C10orf67: variants seen among roughly 807,000 people sequenced by gnomAD.
C10orf67 encodes the protein chromosome 10 open reading frame 67.
C10orf67 carries 60 observed loss-of-function variants against 35.6 expected under a neutral mutation model. The observed-to-expected ratio is 1.68, with a 90% confidence interval of 1.37 to 2.09. The LOEUF is 2.09. C10orf67 is among the 30% of genes most tolerant of loss of function. C10orf67 has a pLI of 0.00. For synonymous variants in C10orf67, 167 were observed against 115.8 expected, an observed-to-expected ratio of 1.44 and a Z score of -2.84; for missense variants, 474 against 330.2, an observed-to-expected ratio of 1.44 and a Z score of -3.38.
rs189238739 is a variant in C10orf67, at chr10:23,249,933, G to A, written c.1346+522C>T. Among the ~76,000 whole-genome samples the A allele has an allele frequency of 2.3e-3, 354 of 152,234 alleles. 4 individuals are homozygous for A. Among genetic ancestry groups the A allele is most frequent in the East Asian group, 7.7e-4 (4 of 5,186 alleles). Reference sequence around the variant, plus strand: ...AATAAGCATTTTTCCAATTTGCATCGTTTTTGTCCTTTTCAGAATTTTACA... The same window carrying A: ...AATAAGCATTTTTCCAATTTGCATCATTTTTGTCCTTTTCAGAATTTTACA... On this transcript the variant is annotated intron_variant, in intron 12 of 15. Coordinates refer to ENST00000636213, the MANE Select transcript of C10orf67 (RefSeq NM_001371909.1).
At chr10:23,218,316 T>TTG (rs1841485463) in intron 15 of C10orf67, among the ~76,000 whole-genome samples, 2 of 150,036 alleles carry the variant, frequency 1.3e-5, no homozygotes, top group African/African-American at 4.9e-5. Flanking sequence ...AATTTTTTTT[T>TTG]TTTTTTTTTT....
At chr10:23,252,251 G>A (rs981469737) in intron 10 of C10orf67, among the ~76,000 whole-genome samples, 3 of 151,984 alleles carry the variant, frequency 2.0e-5, no homozygotes, top group African/African-American at 7.3e-5. Flanking sequence ...TATTCAGCCT[G>A]CCTATTGCCT....
At chr10:23,342,614 G>A (rs1845945396) in intron 1 of C10orf67, among the ~76,000 whole-genome samples, 1 of 152,142 alleles carries the variant, frequency 6.6e-6, no homozygotes, top group African/African-American at 2.4e-5. Flanking sequence ...AGGAGTCCAG[G>A]GCAGGACACC....
At chr10:23,224,753 C>T (rs1007738376) in intron 13 of C10orf67, among the ~76,000 whole-genome samples, 3 of 151,870 alleles carry the variant, frequency 2.0e-5, no homozygotes, top group African/African-American at 7.3e-5. Flanking sequence ...GTAGCCGATT[C>T]GATCAAATGG....
chr10:23,246,645 G>T (rs985497871), intron 12 of C10orf67, among the ~76,000 whole-genome samples: 6 of 152,154 alleles, frequency 3.9e-5, no homozygotes, highest in Non-Finnish European at 8.8e-5. Flanking sequence ...GGTCCCATAA[G>T]ATTATAATGG....
intron 2 of C10orf67, among the ~76,000 whole-genome samples, chr10:23,322,837 A>AATAT (rs752140629): frequency 6.6e-6 from 1 of 151,242 alleles, no homozygotes; most frequent in East Asian, 1.9e-4. Flanking sequence ...TAAAAGTTAA[A>AATAT]ATATATATAT....
At chr10:23,276,759 C>A (rs1043061891) in intron 8 of C10orf67, among the ~76,000 whole-genome samples, 3 of 152,044 alleles carry the variant, frequency 2.0e-5, no homozygotes, top group Non-Finnish European at 4.4e-5. Context: ...CACCACGTTG[C>A]GAGAGATAAA....
chr10:23,235,244 A>G (rs1038568443), intron 13 of C10orf67, among the ~76,000 whole-genome samples: 1 of 152,132 alleles, frequency 6.6e-6, no homozygotes, highest in African/African-American at 2.4e-5. Context: ...GACAAGATCA[A>G]TATTATAAGA....
intron 12 of C10orf67, among the ~76,000 whole-genome samples, chr10:23,247,721 A>G (rs1842353110): frequency 6.6e-6 from 1 of 152,228 alleles, no homozygotes; most frequent in Admixed American, 6.5e-5. Context: ...GAAAATTGGA[A>G]TAGCCCAATT....
intron 4 of C10orf67, among the ~76,000 whole-genome samples, chr10:23,308,212 C>T (rs1844360934): frequency 6.6e-6 from 1 of 152,172 alleles, no homozygotes; most frequent in African/African-American, 2.4e-5. Flanking sequence ...TAATTCTGTA[C>T]CAAACCTCGT....
chr10:23,322,583 A>T (rs745931760), intron 2 of C10orf67, 46 bp from the exon 3 acceptor site: 127 of 1,305,222 alleles, frequency 9.7e-5, no homozygotes, highest in Non-Finnish European at 1.3e-4. Flanking sequence ...ACAGGAACAG[A>T]AAACCAAATA....
At chr10:23,233,467 A>T (rs917424554) in intron 13 of C10orf67, among the ~76,000 whole-genome samples, 1 of 152,212 alleles carries the variant, frequency 6.6e-6, no homozygotes. Flanking sequence ...AAATAAATCA[A>T]AACTAAGAAC....
intron 4 of C10orf67, among the ~76,000 whole-genome samples, chr10:23,311,962 G>C (rs1186636167): frequency 6.6e-6 from 1 of 152,134 alleles, no homozygotes; most frequent in Non-Finnish European, 1.5e-5. Context: ...CAAGTCAATT[G>C]CTTACTTCAA....
intron 1 of C10orf67, among the ~76,000 whole-genome samples, chr10:23,337,014 G>T (rs1381573553): frequency 6.6e-6 from 1 of 152,076 alleles, no homozygotes; most frequent in Non-Finnish European, 1.5e-5. Flanking sequence ...GAAGAAACTA[G>T]ATTGAAGAAA....
At chr10:23,282,198 A>T (rs1843390372) in intron 7 of C10orf67, 120 bp from the exon 8 acceptor site, 1 of 370,162 alleles carries the variant, frequency 2.7e-6, no homozygotes, top group African/African-American at 2.1e-5. Context: ...CAATCTGATC[A>T]AAAGAAAAAT....
At chr10:23,296,430 G>A (rs1843882164) in intron 5 of C10orf67, among the ~76,000 whole-genome samples, 1 of 152,146 alleles carries the variant, frequency 6.6e-6, no homozygotes, top group African/African-American at 2.4e-5. Flanking sequence ...TGTGAGCTAA[G>A]TTGCAAGCCC....
chr10:23,228,804 CATTT>C (rs1248607428), intron 13 of C10orf67, among the ~76,000 whole-genome samples: 1 of 152,142 alleles, frequency 6.6e-6, no homozygotes, highest in African/African-American at 2.4e-5. Context: ...CGAAAGAAGA[CATTT>C]ATGCAGCCAA....
At chr10:23,318,216 C>A (rs1844810639) in intron 4 of C10orf67, 1 of 151,616 alleles carries the variant, frequency 6.6e-6, no homozygotes, top group Admixed American at 6.6e-5. Context: ...GCCTATCTCT[C>A]CTCTGTAAGA....
rs781169937 is a variant in C10orf67 at position 23,322,387 on chromosome 10, C to T, written c.471+7G>A. On this transcript the variant is annotated splice_region_variant and intron_variant, in intron 3 of 15. Transcript: ENST00000636213. ...ACATAAAACAAAAGAAATAAGAGAACATTTACCTGTTGATAATGCTTTTCA... is the reference window on the plus strand; with the variant it reads ...ACATAAAACAAAAGAAATAAGAGAATATTTACCTGTTGATAATGCTTTTCA... 5.0e-6 allele frequency: 8 copies of T among 1,607,854 alleles called. 1 individual carries two copies. Among genetic ancestry groups the T allele is most frequent in the South Asian group, 4.4e-5 (4 of 90,568 alleles).
Sources: gnomAD v4.1 joint callset for allele counts (sites outside exome capture counted in the v4.1 genomes callset) on GRCh38, gnomAD v4.1.1 for gene constraint, MANE v1.5 for transcripts, NCBI Gene and HGNC (gene_info 2026-07-23, HGNC 2026-07-21) for gene names.